The following PDE3A variants were observed in gnomAD, a reference collection of about 807,000 sequenced individuals.
PDE3A encodes phosphodiesterase 3A, also known as cGMP-inhibited 3',5'-cyclic phosphodiesterase 3A.
Under a neutral mutation model 98.3 loss-of-function variants are expected in PDE3A, and 43 were observed. The observed-to-expected ratio is 0.44, with a 90% CI of 0.34 to 0.56. PDE3A has a LOEUF of 0.56. PDE3A is among the 20% of genes least tolerant of loss of function. The pLI, the probability that PDE3A is intolerant of heterozygous loss-of-function variation, is 0.01. For missense variants in PDE3A, 1,427 were observed against 1,440.7 expected, an observed-to-expected ratio of 0.99 and a Z score of 0.15; for synonymous variants, 663 against 567.9, an observed-to-expected ratio of 1.17 and a Z score of -2.38.
chr12:20,468,679 G>A (rs1007333178), intron 1 of PDE3A, among the ~76,000 whole-genome samples: 5 of 152,090 alleles, frequency 3.3e-5, no homozygotes, highest in African/African-American at 1.2e-4. Flanking sequence ...TTTCACTGTG[G>A]TTATTGTGAC....
chr12:20,662,920 A>T, intron 15 of PDE3A, among the ~76,000 whole-genome samples: 1 of 152,224 alleles, frequency 6.6e-6, no homozygotes, highest in South Asian at 2.1e-4. Context: ...CCTTAGTGGC[A>T]GTCCCTCCTA....
At chr12:20,613,345 A>G in intron 2 of PDE3A, 98 bp from the exon 3 acceptor site, 3 of 1,083,346 alleles carry the variant, frequency 2.8e-6, no homozygotes, top group Non-Finnish European at 4.1e-6. Flanking sequence ...CTAAAGAATC[A>G]GCCCAATTCA....
At chr12:20,610,626 A>G (rs1410484599) in intron 2 of PDE3A, among the ~76,000 whole-genome samples, 1 of 152,034 alleles carries the variant, frequency 6.6e-6, no homozygotes, top group East Asian at 1.9e-4. Context: ...GCATCTGTCC[A>G]TGAATGAATG....
At chr12:20,635,294 C>A (rs749522978) in intron 8 of PDE3A, among the ~76,000 whole-genome samples, 2 of 152,028 alleles carry the variant, frequency 1.3e-5, no homozygotes, top group Non-Finnish European at 2.9e-5. Context: ...TAGCCAGGTG[C>A]AGTGGCTCAC....
At chr12:20,540,286 C>T (rs2121216216) in intron 1 of PDE3A, among the ~76,000 whole-genome samples, 1 of 152,140 alleles carries the variant, frequency 6.6e-6, no homozygotes, top group East Asian at 1.9e-4. Flanking sequence ...GTTTCTGGTT[C>T]TAATGAACGC....
intron 2 of PDE3A, among the ~76,000 whole-genome samples, chr12:20,589,106 A>G (rs1943260940): frequency 6.6e-6 from 1 of 151,828 alleles, no homozygotes; most frequent in South Asian, 2.1e-4. Context: ...AATATTTTTT[A>G]GTAGAGATGG....
At chr12:20,490,057 A>G (rs1056339999) in intron 1 of PDE3A, among the ~76,000 whole-genome samples, 3 of 152,126 alleles carry the variant, frequency 2.0e-5, no homozygotes, top group Non-Finnish European at 4.4e-5. Flanking sequence ...AGCTAGATTC[A>G]TCTTTTAGGA....
chr12:20,370,384 A>G (rs921762228), intron 1 of PDE3A, 140 bp downstream of exon 1: 12 of 544,532 alleles, frequency 2.2e-5, no homozygotes, highest in African/African-American at 9.9e-5. Flanking sequence ...TTAAGAAACT[A>G]GCAGGTTTTT....
At chr12:20,453,259 C>T (rs978918398) in intron 1 of PDE3A, among the ~76,000 whole-genome samples, 3 of 151,368 alleles carry the variant, frequency 2.0e-5, no homozygotes, top group African/African-American at 7.3e-5. Context: ...CTGCAACCTC[C>T]AACTCCCAGG....
intron 1 of PDE3A, among the ~76,000 whole-genome samples, chr12:20,460,679 T>G (rs1945230658): frequency 6.6e-6 from 1 of 152,196 alleles, no homozygotes. Context: ...TTCTCAAGAT[T>G]ATTAGCAAAT....
In PDE3A at chr12:20,608,925, A is replaced by C. The variant is rs530510851; in HGVS notation, c.1012-4518A>C. Among the ~76,000 whole-genome samples, 3 of 152,150 alleles carry C rather than the reference A, an allele frequency of 2.0e-5. No individual in the cohort carries two copies. In the Middle Eastern group the frequency reaches 0.01, roughly 528 times the overall value. Reference sequence around the variant, plus strand: ...AACAAAGTTTGACTTAAAATTTCAAATTTGTATGGAAACAGTCCAGTTAAT... The same window carrying C: ...AACAAAGTTTGACTTAAAATTTCAACTTTGTATGGAAACAGTCCAGTTAAT... On this transcript the variant is annotated intron_variant, in intron 2 of 15. Transcript: ENST00000359062.
chr12:20,612,094 C>A (rs1175445021), intron 2 of PDE3A, among the ~76,000 whole-genome samples: 1 of 151,680 alleles, frequency 6.6e-6, no homozygotes, highest in Admixed American at 6.6e-5. Flanking sequence ...AAGTTTCCTG[C>A]CAAACATTTT....
intron 1 of PDE3A, among the ~76,000 whole-genome samples, chr12:20,461,480 T>A (rs1945249955): frequency 1.3e-5 from 2 of 152,156 alleles, no homozygotes; most frequent in Non-Finnish European, 2.9e-5. Flanking sequence ...AGGTAATTGC[T>A]ACATGAATAA....
At chr12:20,664,265 G>A (rs911045374) in intron 15 of PDE3A, among the ~76,000 whole-genome samples, 2 of 152,132 alleles carry the variant, frequency 1.3e-5, no homozygotes, top group Admixed American at 1.3e-4. Context: ...ATACACCAGG[G>A]AAATTCACAA....
chr12:20,437,086 G>A (rs534834906), intron 1 of PDE3A, among the ~76,000 whole-genome samples: 2 of 150,338 alleles, frequency 1.3e-5, no homozygotes, highest in Admixed American at 1.3e-4. Flanking sequence ...TGCCCTTGAC[G>A]CTATCTGATT....
chr12:20,520,735 C>T (rs1946408220), intron 1 of PDE3A, among the ~76,000 whole-genome samples: 1 of 152,158 alleles, frequency 6.6e-6, no homozygotes, highest in Non-Finnish European at 1.5e-5. Flanking sequence ...CAGAAGCACC[C>T]ACCATCAGCT....
chr12:20,540,827 T>G (rs534993473), intron 1 of PDE3A, among the ~76,000 whole-genome samples: 9 of 152,066 alleles, frequency 5.9e-5, no homozygotes, highest in Non-Finnish European at 1.2e-4. Flanking sequence ...CCATGTCACA[T>G]TCTTCCCCTT....
chr12:20,518,804 A>T (rs1946368326), intron 1 of PDE3A, among the ~76,000 whole-genome samples: 1 of 152,224 alleles, frequency 6.6e-6, no homozygotes, highest in Non-Finnish European at 1.5e-5. Flanking sequence ...AATTCTCCAG[A>T]CGCAACACTT....
At chr12:20,488,566 C>T (rs1945771547) in intron 1 of PDE3A, among the ~76,000 whole-genome samples, 1 of 152,076 alleles carries the variant, frequency 6.6e-6, no homozygotes, top group African/African-American at 2.4e-5. Flanking sequence ...CAATGGCTTA[C>T]ACCAGTATGT....
Sources: allele counts gnomAD v4.1 joint callset (sites outside exome capture counted in the v4.1 genomes callset), GRCh38; gene constraint gnomAD v4.1.1; transcripts MANE v1.5; gene names NCBI Gene and HGNC (gene_info 2026-07-23, HGNC 2026-07-21).